Variants in CAMKK2 observed in about 807,000 individuals in gnomAD.
CAMKK2 encodes calcium/calmodulin dependent protein kinase kinase 2.
CAMKK2 carries 30 observed loss-of-function variants against 67.2 expected under a neutral mutation model. That is an observed-to-expected ratio of 0.45 (90% CI 0.33 to 0.61). The LOEUF (loss-of-function observed/expected upper bound fraction) is 0.61. Among genes scored for constraint, CAMKK2 ranks in the 20% least tolerant of loss-of-function variants. CAMKK2 has a pLI of 0.02. For missense variants in CAMKK2, 643 were observed against 802.0 expected (o/e 0.80, Z 2.39); for synonymous variants, 322 against 326.2 (o/e 0.99, Z 0.14).
intron 16 of CAMKK2, among the ~76,000 whole-genome samples, chr12:121,241,752 T>G (rs1046704451): frequency 1.3e-5 from 2 of 152,198 alleles, no homozygotes; most frequent in African/African-American, 4.8e-5. Flanking sequence ...TGATGGAGAA[T>G]GTGGGTAAGG....
intron 4 of CAMKK2, among the ~76,000 whole-genome samples, chr12:121,269,124 G>T (rs918322653): frequency 4.3e-5 from 6 of 138,664 alleles, no homozygotes; most frequent in Non-Finnish European, 6.3e-5. Context: ...CTGAGGCTCA[G>T]CTGTTTTACA....
Position 121,286,886 on chromosome 12 carries a change from C to G in CAMKK2, c.-60+9752G>C, listed in dbSNP as rs1898850900. On this transcript the variant is annotated intron_variant, in intron 1 of 16. Transcript: ENST00000404169. ...TTTGGCAGTTACTGAATTCACGACCCTCAGTTGGCTTCCTTTTTTTGGGGG... is the reference window on the plus strand; with the variant it reads ...TTTGGCAGTTACTGAATTCACGACCGTCAGTTGGCTTCCTTTTTTTGGGGG... Among the ~76,000 whole-genome samples, 4 of 152,038 alleles carry G rather than the reference C, an allele frequency of 2.6e-5. No individual in the cohort carries two copies. The South Asian group carries it at 8.3e-4, about 32-fold the overall frequency.
chr12:121,282,486 C>A (rs537119302), intron 1 of CAMKK2, among the ~76,000 whole-genome samples: 3 of 152,204 alleles, frequency 2.0e-5, no homozygotes, highest in Admixed American at 6.5e-5. Context: ...TAGGGTGGGC[C>A]CCAGTCCAAC....
At chr12:121,274,682 C>T in intron 1 of CAMKK2, 97 bp from the exon 2 acceptor site, 1 of 603,484 alleles carries the variant, frequency 1.7e-6, no homozygotes, top group South Asian at 2.1e-5. Flanking sequence ...CTAATTCCTG[C>T]CTCCAGTTGA....
chr12:121,240,136 TC>T lies in CAMKK2; in HGVS notation c.*562del. Reference sequence around the variant, plus strand: ...TACCCATAAAAAATTTAAAAATCCTTCTTACAAATAAGTTGCATCAAAGCTC... The same window carrying T: ...TACCCATAAAAAATTTAAAAATCCTTTTACAAATAAGTTGCATCAAAGCTC... On this transcript the variant is annotated 3_prime_UTR_variant, in exon 17 of 17. Transcript: ENST00000404169. The surrounding 1 kb of genome is among the most constrained non-coding windows in gnomAD (Gnocchi z 4.4). The T allele has an allele frequency of 2.9e-6, 1 of 347,180 alleles. No individual in the cohort carries two copies. The highest frequency in any genetic ancestry group is 5.2e-6 in the Non-Finnish European group (1 of 191,220). 21.5% of individuals were successfully genotyped at this position (347,180 alleles called of 1,614,324 possible).
At chr12:121,251,285 C>T (rs1030761057) in intron 11 of CAMKK2, among the ~76,000 whole-genome samples, 1 of 152,160 alleles carries the variant, frequency 6.6e-6, no homozygotes, top group African/African-American at 2.4e-5. Flanking sequence ...AACAGACAAG[C>T]ACAGGAAAAG....
At chr12:121,243,182 G>A (rs1416350609) in intron 16 of CAMKK2, among the ~76,000 whole-genome samples, 14 of 151,582 alleles carry the variant, frequency 9.2e-5, no homozygotes, top group African/African-American at 2.4e-4. Context: ...ACAAGTGTGC[G>A]CCACCATGCC....
intron 2 of CAMKK2, among the ~76,000 whole-genome samples, chr12:121,272,815 G>A (rs1200745196): frequency 2.6e-5 from 4 of 152,070 alleles, no homozygotes; most frequent in Non-Finnish European, 5.9e-5. Flanking sequence ...GGAGGTTGCA[G>A]TGAGCCAAAA....
intron 9 of CAMKK2, among the ~76,000 whole-genome samples, chr12:121,254,564 C>T (rs1168680386): frequency 6.6e-6 from 1 of 152,100 alleles, no homozygotes; most frequent in Non-Finnish European, 1.5e-5. Context: ...GATATGTTAT[C>T]CCCATTTTAC....
At chr12:121,243,099 T>C (rs1163272094) in intron 16 of CAMKK2, among the ~76,000 whole-genome samples, 2 of 150,384 alleles carry the variant, frequency 1.3e-5, no homozygotes, top group Non-Finnish European at 2.9e-5. Flanking sequence ...AATGACGTGA[T>C]CTCAGCTCAC....
rs181881696 is a variant in CAMKK2 at position 121,264,607 on chromosome 12, G to A, written c.626-668C>T. 1.1e-4 allele frequency among the ~76,000 whole-genome samples: 16 copies of A among 152,046 alleles called. No homozygotes were observed. In the East Asian group the frequency reaches 1.4e-3, roughly 13 times the overall value. Reference sequence around the variant, plus strand: ...GACTAACACAGTGAAACACTGTCTCGACTAAAAATACAAAAAATTAGCCGG... The same window carrying A: ...GACTAACACAGTGAAACACTGTCTCAACTAAAAATACAAAAAATTAGCCGG... On this transcript the variant is annotated intron_variant, in intron 5 of 16. Transcript: ENST00000404169.
At chr12:121,271,475 A>G (rs1895772725) in intron 2 of CAMKK2, among the ~76,000 whole-genome samples, 1 of 149,808 alleles carries the variant, frequency 6.7e-6, no homozygotes, top group African/African-American at 2.5e-5. Flanking sequence ...GTAACCACAC[A>G]CTGTGGACTC....
At chr12:121,268,921 G>A (rs925728602) in intron 4 of CAMKK2, among the ~76,000 whole-genome samples, 1 of 152,150 alleles carries the variant, frequency 6.6e-6, no homozygotes, top group Non-Finnish European at 1.5e-5. Flanking sequence ...AGGTGTTCCT[G>A]AGGCTCACGG....
chr12:121,256,408 G>A (rs372332914), intron 7 of CAMKK2, among the ~76,000 whole-genome samples: 4 of 152,222 alleles, frequency 2.6e-5, no homozygotes, highest in Admixed American at 6.5e-5. Context: ...TGAAATTTAC[G>A]TAACATAAAA....
At chr12:121,256,845 G>C (rs919228130) in intron 7 of CAMKK2, among the ~76,000 whole-genome samples, 1 of 152,116 alleles carries the variant, frequency 6.6e-6, no homozygotes, top group African/African-American at 2.4e-5. Context: ...TTTGGCTGTT[G>C]GGAAGTGCTG....
At position 121,240,981 on chromosome 12, in the gene CAMKK2, C is replaced by G; in HGVS notation, c.1597-112G>C. On this transcript the variant is annotated intron_variant, in intron 16 of 16. Coordinates refer to ENST00000404169, the MANE Select transcript of CAMKK2 (RefSeq NM_001270485.2). This position sits in a 1 kb window ranked among gnomAD's most constrained non-coding sequence, Gnocchi z 4.4. ...GCCCAAGTGGGCCGTCGCGCACCCC[C>G]TGGAACGTGATCTACGTAACCCAGT... 9.7e-7 allele frequency: 1 copy of G among 1,036,190 alleles called. No homozygotes were observed. The highest frequency in any genetic ancestry group is 1.6e-5 in the African/African-American group (1 of 62,972). 64.2% of individuals were successfully genotyped at this position (1,036,190 alleles called of 1,614,324 possible). A position where few individuals can be genotyped will look rare whatever the true frequency, so the allele number is the denominator to read the frequency against.
In CAMKK2 at chr12:121,240,144, A is replaced by C. The variant is rs560256447; in HGVS notation, c.*555T>G. 1 of 376,300 alleles carries C rather than the reference A, an allele frequency of 2.7e-6. No individual in the cohort carries two copies. Among genetic ancestry groups the C allele is most frequent in the African/African-American group, 2.1e-5 (1 of 48,092 alleles). The allele number at this position is 376,300 out of a possible 1,614,324, so 23.3% of individuals were successfully genotyped here. On this transcript the variant is annotated 3_prime_UTR_variant, in exon 17 of 17. Transcript: ENST00000404169. This position sits in a 1 kb window ranked among gnomAD's most constrained non-coding sequence, Gnocchi z 4.4. ...AAAAATTTAAAAATCCTTCTTACAA[A>C]TAAGTTGCATCAAAGCTCCCTGCAG...
rs199761045 is a variant in CAMKK2, at chr12:121,240,522, T to C, written c.*177A>G. 3.3e-6 allele frequency: 5 copies of C among 1,512,404 alleles called. No homozygotes were observed. Among genetic ancestry groups the C allele is most frequent in the Non-Finnish European group, 4.4e-6 (5 of 1,138,176 alleles). 93.7% of individuals were successfully genotyped at this position (1,512,404 alleles called of 1,614,324 possible). On this transcript the variant is annotated 3_prime_UTR_variant, in exon 17 of 17. Coordinates refer to ENST00000404169, the MANE Select transcript of CAMKK2 (RefSeq NM_001270485.2). This position sits in a 1 kb window ranked among gnomAD's most constrained non-coding sequence, Gnocchi z 4.4. The stretch of plus-strand genomic sequence containing the variant: ...CCACGGTCGACGTCATGGAGTCAAG[T>C]CCTTTTTTTTTTTTTGTCCCCTTTA...
intron 1 of CAMKK2, among the ~76,000 whole-genome samples, chr12:121,288,817 CTATT>C (rs1899337210): frequency 1.4e-5 from 2 of 145,868 alleles, no homozygotes; most frequent in African/African-American, 5.0e-5. Context: ...CATCTCTCAA[CTATT>C]TACAGAAGCC....
Sources: allele counts gnomAD v4.1 joint callset (sites outside exome capture counted in the v4.1 genomes callset), GRCh38; gene constraint gnomAD v4.1.1; non-coding constraint Gnocchi (gnomAD v3.1); transcripts MANE v1.5; gene names NCBI Gene and HGNC (gene_info 2026-07-23, HGNC 2026-07-21).